HOXC11: variants seen among roughly 807,000 people sequenced by gnomAD.
HOXC11 encodes homeobox C11.
HOXC11 carries 17 observed loss-of-function variants against 23.6 expected under a neutral mutation model. That is an observed-to-expected ratio of 0.72 (90% confidence interval 0.49 to 1.08). HOXC11 has a LOEUF of 1.08. HOXC11 is among the 50% of genes least tolerant of loss of function. The pLI, the probability that HOXC11 is intolerant of heterozygous loss-of-function variation, is 0.00. For missense variants in HOXC11, 413 were observed against 412.1 expected, an observed-to-expected ratio of 1.00 and a Z score of -0.02; for synonymous variants, 196 against 183.8, an observed-to-expected ratio of 1.07 and a Z score of -0.54.
rs529341424 is a variant in HOXC11 at position 53,973,992 on chromosome 12, G to T, written c.682+69G>T. 15 of 1,345,306 alleles carry T rather than the reference G, an allele frequency of 1.1e-5. No homozygotes were observed. The highest frequency in any genetic ancestry group is 1.4e-5 in the Non-Finnish European group (14 of 1,020,830). The allele number at this position is 1,345,306 out of a possible 1,614,324, so 83.3% of individuals were successfully genotyped here. ...AGCGAGAGAGGGAGGGCGAGAGAAG[G>T]GGGGAGGCAAGGGGAGCGGGGACGG... On this transcript the variant is annotated intron_variant, in intron 1 of 1. Transcript: ENST00000546378. This position sits in a 1 kb window ranked among gnomAD's most constrained non-coding sequence, Gnocchi z 4.3.
Position 53,976,228 on chromosome 12 carries a change from A to G in HOXC11, c.*815A>G, listed in dbSNP as rs983282442. The G allele has an allele frequency of 4.5e-6, 1 of 220,840 alleles. No individual in the cohort carries two copies. The highest frequency in any genetic ancestry group is 9.0e-6 in the Non-Finnish European group (1 of 111,148). The allele number at this position is 220,840 out of a possible 1,614,324, so 13.7% of individuals were successfully genotyped here. ...CGTGCTGGGGCCTGGATTTTTGTAA[A>G]TAAATTTCCCAAGCGTTTCTTTCCA... On this transcript the variant is annotated 3_prime_UTR_variant, in exon 2 of 2. Coordinates refer to ENST00000546378, the MANE Select transcript of HOXC11 (RefSeq NM_014212.4).
chr12:53,974,342 A>G (rs1592196475), intron 1 of HOXC11, among the ~76,000 whole-genome samples: 1 of 129,994 alleles, frequency 7.7e-6, no homozygotes. Flanking sequence ...GAGAAAGGGG[A>G]GGGCGAGGGA....
chr12:53,975,104 C>T, intron 1 of HOXC11, 77 bp from the exon 2 acceptor site: 1 of 688,140 alleles, frequency 1.5e-6, no homozygotes, highest in Non-Finnish European at 2.5e-6. Context: ...GCTGAGCGCT[C>T]AGCGGGCTGG....
In HOXC11 at chr12:53,973,187, C is replaced by T; in HGVS notation, c.-55C>T. ...TCATCTCGCCTTCCCAAATTTTCCCCCCTCGCTAGACCGGGTCCAAAACCT... is the reference window on the plus strand; with the variant it reads ...TCATCTCGCCTTCCCAAATTTTCCCTCCTCGCTAGACCGGGTCCAAAACCT... On this transcript the variant is annotated 5_prime_UTR_variant, in exon 1 of 2. Transcript: ENST00000546378. The surrounding 1 kb of genome is among the most constrained non-coding windows in gnomAD (Gnocchi z 4.3). 1 of 1,433,480 alleles carries T rather than the reference C, an allele frequency of 7.0e-7. No homozygotes were observed. Among genetic ancestry groups the T allele is most frequent in the Non-Finnish European group, 9.3e-7 (1 of 1,069,528 alleles). The allele number at this position is 1,433,480 out of a possible 1,614,324, so 88.8% of individuals were successfully genotyped here. A position where few individuals can be genotyped will look rare whatever the true frequency, so the allele number is the denominator to read the frequency against.
Position 53,975,448 on chromosome 12 carries a change from G to C in HOXC11, c.*35G>C. ...CGGGCCCTTTTGGGGGCGGGGGGAG[G>C]GGAAAATTATTTTATTTTATTTTTA... On this transcript the variant is annotated 3_prime_UTR_variant, in exon 2 of 2. Coordinates refer to ENST00000546378, the MANE Select transcript of HOXC11 (RefSeq NM_014212.4). The C allele has an allele frequency of 1.7e-6, 1 of 589,750 alleles. No individual in the cohort carries two copies. The highest frequency in any genetic ancestry group is 3.3e-6 in the Non-Finnish European group (1 of 305,200). 36.5% of individuals were successfully genotyped at this position (589,750 alleles called of 1,614,324 possible).
At chr12:53,974,077 A>G (rs1939203234) in intron 1 of HOXC11, 154 bp downstream of exon 1, 1 of 447,064 alleles carries the variant, frequency 2.2e-6, no homozygotes, top group Non-Finnish European at 3.7e-6. Flanking sequence ...AAAGGATTTT[A>G]TTATAACCTA....
Position 53,973,617 on chromosome 12 carries a change from C to A in HOXC11, c.376C>A (p.His126Asn), listed in dbSNP as rs767665670. Reference sequence around the variant, plus strand: ...CGAAGGCTCCTACGGCGGCCACCACCACCCCAGCGCCCCGCACGCAACCCC... The same window carrying A: ...CGAAGGCTCCTACGGCGGCCACCACAACCCCAGCGCCCCGCACGCAACCCC... ...KNEGSYGGHH[H>N]PSAPHATPAG... is the part of the protein sequence containing the mutation. The change falls in exon 1 of 2, where the codon CAC becomes AAC. Residue 126 changes from histidine to asparagine, a missense_variant. Physicochemically the swap from His to Asn is moderately conservative, Grantham distance 68 (BLOSUM62 1). Transcript: ENST00000546378. This position sits in a 1 kb window ranked among gnomAD's most constrained non-coding sequence, Gnocchi z 4.3. 6.2e-7 allele frequency: 1 copy of A among 1,613,788 alleles called. No individual in the cohort carries two copies. Among genetic ancestry groups the A allele is most frequent in the South Asian group, 1.1e-5 (1 of 91,072 alleles).
intron 1 of HOXC11, 30 bp from the exon 2 acceptor site, chr12:53,975,151 C>T (rs560327662): frequency 2.6e-6 from 2 of 758,260 alleles, no homozygotes; most frequent in Non-Finnish European, 4.4e-6. Context: ...TCCCCCCTCT[C>T]CTCGCACTTG....
In HOXC11 at chr12:53,973,916, C is replaced by A. The variant is rs1357694910; in HGVS notation, c.675C>A (p.Ala225=). ...HSVAKEPAKG[A]APNAPRTRKK... is the part of the protein sequence containing the mutation. The stretch of plus-strand genomic sequence containing the variant: ...TGGCCAAGGAGCCGGCCAAAGGAGC[C>A]GCCCCCAGTAGGTAGCAGCGGCCGG... Residue 225 remains alanine, a synonymous_variant, in exon 1 of 2, where the codon GCC becomes GCA. Transcript: ENST00000546378. This position sits in a 1 kb window ranked among gnomAD's most constrained non-coding sequence, Gnocchi z 4.3. 8 of 1,441,236 alleles carry A rather than the reference C, an allele frequency of 5.6e-6. No individual in the cohort carries two copies. The highest frequency in any genetic ancestry group is 7.3e-6 in the Non-Finnish European group (8 of 1,095,346). 89.3% of individuals were successfully genotyped at this position (1,441,236 alleles called of 1,614,324 possible).
rs750210157 is a variant in HOXC11 at position 53,973,546 on chromosome 12, G to A, written c.305G>A (p.Arg102Gln). ...GCGGCGGCCGACGAGCTTATGCACC[G>A]GGAGTGCCTGCCTCCTTCCACCGTC... is the stretch of plus-strand genomic sequence containing the variant. The part of the protein sequence containing the change: ...CYAAADELMH[R>Q]ECLPPSTVTE... The change falls in exon 1 of 2, where the codon CGG becomes CAG. Residue 102 changes from arginine to glutamine, a missense_variant. Coordinates refer to ENST00000546378, the MANE Select transcript of HOXC11 (RefSeq NM_014212.4). This position sits in a 1 kb window ranked among gnomAD's most constrained non-coding sequence, Gnocchi z 4.3. 2 of 1,613,114 alleles carry A rather than the reference G, an allele frequency of 1.2e-6. No homozygotes were observed. Among genetic ancestry groups the A allele is most frequent in the African/African-American group, 1.3e-5 (1 of 74,844 alleles).
At position 53,975,665 on chromosome 12, in the gene HOXC11, G is replaced by T. The variant is rs1367275966; in HGVS notation, c.*252G>T. On this transcript the variant is annotated 3_prime_UTR_variant, in exon 2 of 2. Coordinates refer to ENST00000546378, the MANE Select transcript of HOXC11 (RefSeq NM_014212.4). Reference sequence around the variant, plus strand: ...GTCTGATGCACGGCGAGTGAACACCGTTGGCGCCGAGGCCAAGACTTTGAT... The same window carrying T: ...GTCTGATGCACGGCGAGTGAACACCTTTGGCGCCGAGGCCAAGACTTTGAT... 3 of 588,128 alleles carry T rather than the reference G, an allele frequency of 5.1e-6. No individual in the cohort carries two copies. Among genetic ancestry groups the T allele is most frequent in the Non-Finnish European group, 9.0e-6 (3 of 332,172 alleles). The allele number at this position is 588,128 out of a possible 1,614,324, so 36.4% of individuals were successfully genotyped here. A position where few individuals can be genotyped will look rare whatever the true frequency, so the allele number is the denominator to read the frequency against.
chr12:53,974,894 G>T, intron 1 of HOXC11: 1 of 371,378 alleles, frequency 2.7e-6, no homozygotes, highest in Non-Finnish European at 4.8e-6. Flanking sequence ...GGACGCACGT[G>T]TACCTGGAGG....
In HOXC11 at chr12:53,976,815, C is replaced by T. The variant is rs970152063; in HGVS notation, c.*1402C>T. The T allele has an allele frequency of 2.0e-5, 3 of 150,890 alleles. No individual in the cohort carries two copies. The highest frequency in any genetic ancestry group is 1.3e-4 in the Admixed American group (2 of 15,192). The allele number at this position is 150,890 out of a possible 1,614,324, so 9.3% of individuals were successfully genotyped here. On this transcript the variant is annotated 3_prime_UTR_variant, in exon 2 of 2. Transcript: ENST00000546378. ...CCACCGCCCTTCTGCCAGATGTCTC[C>T]GTCTGTCGCAGTTAAATGTGTAGTG...
Position 53,975,497 on chromosome 12 carries a change from C to T in HOXC11, c.*84C>T, listed in dbSNP as rs770892301. ...TATTTTTTATTTTCTAACTCGTCTT[C>T]TTTCCGCCGGTGGAAAACTGGACTG... On this transcript the variant is annotated 3_prime_UTR_variant, in exon 2 of 2. Coordinates refer to ENST00000546378, the MANE Select transcript of HOXC11 (RefSeq NM_014212.4). 8 of 992,474 alleles carry T rather than the reference C, an allele frequency of 8.1e-6. No homozygotes were observed. 61.5% of individuals were successfully genotyped at this position (992,474 alleles called of 1,614,324 possible).
chr12:53,974,969 G>C, intron 1 of HOXC11: 1 of 565,444 alleles, frequency 1.8e-6, no homozygotes. Flanking sequence ...ACGGGGTGGC[G>C]CAGTGGCGGG....
At position 53,976,243 on chromosome 12, in the gene HOXC11, G is replaced by A. The variant is rs1184203193; in HGVS notation, c.*830G>A. 4.5e-6 allele frequency: 1 copy of A among 220,548 alleles called. No individual in the cohort carries two copies. The allele number at this position is 220,548 out of a possible 1,614,324, so 13.7% of individuals were successfully genotyped here. A position where few individuals can be genotyped will look rare whatever the true frequency, so the allele number is the denominator to read the frequency against. On this transcript the variant is annotated 3_prime_UTR_variant, in exon 2 of 2. Transcript: ENST00000546378. Reference sequence around the variant, plus strand: ...ATTTTTGTAAATAAATTTCCCAAGCGTTTCTTTCCACCTGGAGGGAAAGGG... The same window carrying A: ...ATTTTTGTAAATAAATTTCCCAAGCATTTCTTTCCACCTGGAGGGAAAGGG...
Position 53,973,551 on chromosome 12 carries a change from T to A in HOXC11, c.310T>A (p.Cys104Ser), listed in dbSNP as rs1316045318. Residue 104 changes from cysteine to serine, a missense_variant, in exon 1 of 2, where the codon TGC becomes AGC. Physicochemically the swap from Cys to Ser is moderately radical, Grantham distance 112. Coordinates refer to ENST00000546378, the MANE Select transcript of HOXC11 (RefSeq NM_014212.4). This position sits in a 1 kb window ranked among gnomAD's most constrained non-coding sequence, Gnocchi z 4.3. ...GGCCGACGAGCTTATGCACCGGGAG[T>A]GCCTGCCTCCTTCCACCGTCACCGA... Reference protein sequence around the residue: ...AAADELMHRECLPPSTVTEIL... With the variant: ...AAADELMHRESLPPSTVTEIL... The A allele has an allele frequency of 4.3e-6, 7 of 1,611,018 alleles. No homozygotes were observed. The African/African-American group carries it at 9.4e-5, about 22-fold the overall frequency.
At chr12:53,975,088 A>C in intron 1 of HOXC11, 93 bp from the exon 2 acceptor site, 4 of 627,208 alleles carry the variant, frequency 6.4e-6, no homozygotes, top group Non-Finnish European at 1.1e-5. Context: ...GGCTAGGAGA[A>C]GGGCCGCTGA....
Position 53,973,332 on chromosome 12 carries a change from A to G in HOXC11, c.91A>G (p.Asn31Asp), listed in dbSNP as rs746825359. 1.9e-6 allele frequency: 3 copies of G among 1,614,106 alleles called. No homozygotes were observed. The East Asian group carries it at 6.7e-5, about 36-fold the overall frequency. ...DFGERGSCAS[N>D]LYLPSCTYYM... Reference sequence around the variant, plus strand: ...CGGCGAGCGAGGGAGCTGCGCCTCCAACCTCTATCTGCCCAGTTGCACTTA... The same window carrying G: ...CGGCGAGCGAGGGAGCTGCGCCTCCGACCTCTATCTGCCCAGTTGCACTTA... The change falls in exon 1 of 2, where the codon AAC (asparagine) becomes GAC (aspartate). Residue 31 changes from asparagine (N) to aspartate (D), a missense_variant. Physicochemically the swap from Asn to Asp is conservative, Grantham distance 23 (BLOSUM62 1). Transcript: ENST00000546378. This position sits in a 1 kb window ranked among gnomAD's most constrained non-coding sequence, Gnocchi z 4.3.
Sources: gnomAD v4.1 joint callset for allele counts (sites outside exome capture counted in the v4.1 genomes callset) on GRCh38, gnomAD v4.1.1 for gene constraint, Gnocchi (gnomAD v3.1) non-coding constraint, MANE v1.5 for transcripts, NCBI Gene and HGNC (gene_info 2026-07-23, HGNC 2026-07-21) for gene names.